The following MACF1 variants were observed in gnomAD, a reference collection of about 807,000 sequenced individuals.
MACF1 encodes microtubule actin crosslinking factor 1.
MACF1 carries 193 observed loss-of-function variants against 854.8 expected under a neutral mutation model. That is an observed-to-expected ratio of 0.23 (90% CI 0.20 to 0.25). MACF1 has a LOEUF of 0.25. Ranked by LOEUF, MACF1 falls within the 10% of genes least tolerant of loss-of-function variation. The pLI is 1.00. For synonymous variants in MACF1, 3,185 were observed against 3,226.7 expected (o/e 0.99, Z 0.44); for missense variants, 7,722 against 8,929.1 (o/e 0.86, Z 5.45).
intron 20 of MACF1, among the ~76,000 whole-genome samples, chr1:39,297,197 A>T (rs1645941552): frequency 6.6e-6 from 1 of 152,152 alleles, no homozygotes; most frequent in Non-Finnish European, 1.5e-5. Flanking sequence ...AAGTGCTGGG[A>T]TTACAGGCGT....
At chr1:39,091,293 C>G (rs1055264965) in intron 2 of MACF1, among the ~76,000 whole-genome samples, 3 of 152,226 alleles carry the variant, frequency 2.0e-5, no homozygotes, top group African/African-American at 4.8e-5. Flanking sequence ...ACGCAAAGGG[C>G]TGGCTTTGGG....
Position 39,453,713 on chromosome 1 carries a change from A to G in MACF1, c.20749A>G (p.Met6917Val), listed in dbSNP as rs764311098. 3.7e-6 allele frequency: 6 copies of G among 1,613,992 alleles called. No homozygotes were observed. The highest frequency in any genetic ancestry group is 1.1e-5 in the South Asian group (1 of 91,092). ...TCAAATCTTTTTTGTTTAGGAATTC[A>G]TGAAGAAAGTAGAAGAAAAGCGAGT... ...QSLIDTHKEF[M>V]KKVEEKRVDV... The change falls in exon 88 of 101, where the codon ATG becomes GTG. Residue 6917 changes from methionine to valine, a missense_variant. By Grantham distance (21) the Met-to-Val change is conservative. This residue lies in a region of MACF1 where 729 missense variants were observed against 900.5 expected (regional missense o/e 0.81). Transcript: ENST00000564288.
chr1:39,466,662 C>G (rs1644674904), intron 95 of MACF1, among the ~76,000 whole-genome samples: 1 of 152,174 alleles, frequency 6.6e-6, no homozygotes, highest in Non-Finnish European at 1.5e-5. Context: ...CACAGGGCTT[C>G]TCATTTTCAC....
intron 80 of MACF1, among the ~76,000 whole-genome samples, chr1:39,445,095 A>G (rs1208209697): frequency 3.9e-5 from 6 of 152,154 alleles, no homozygotes; most frequent in Non-Finnish European, 7.4e-5. Flanking sequence ...TTAATCACCA[A>G]TTTGTGTTCT....
At chr1:39,099,548 T>C (rs1033951715) in intron 2 of MACF1, among the ~76,000 whole-genome samples, 4 of 152,046 alleles carry the variant, frequency 2.6e-5, no homozygotes, top group Admixed American at 2.6e-4. Flanking sequence ...TTTCTAGAGG[T>C]TGAGGAAGGA....
chr1:39,254,397 C>T (rs1449358688), intron 5 of MACF1, 22 bp downstream of exon 5: 1 of 1,609,310 alleles, frequency 6.2e-7, no homozygotes, highest in Non-Finnish European at 8.5e-7. Context: ...ACATGCCTTC[C>T]CCATTCTTCC....
chr1:39,450,214 G>A (rs1052962266), intron 84 of MACF1, among the ~76,000 whole-genome samples: 4 of 151,822 alleles, frequency 2.6e-5, no homozygotes, highest in African/African-American at 7.3e-5. Flanking sequence ...AGGCTGTTCT[G>A]TAACTCCTGA....
chr1:39,203,379 T>A (rs926461679), upstream of MACF1, among the ~76,000 whole-genome samples: 2 of 152,112 alleles, frequency 1.3e-5, no homozygotes, highest in Middle Eastern at 3.2e-3. Context: ...AATTTTAAAA[T>A]TTTTTTGTAG....
At chr1:39,190,222 A>G (rs1460694855) in intron 2 of MACF1, among the ~76,000 whole-genome samples, 2 of 151,866 alleles carry the variant, frequency 1.3e-5, no homozygotes, top group African/African-American at 4.8e-5. Flanking sequence ...GGTTTTAGTA[A>G]TTAGGTATGC....
At chr1:39,406,738 CAA>C (rs5773658) in intron 58 of MACF1, among the ~76,000 whole-genome samples, 7 of 31,810 alleles carry the variant, frequency 2.2e-4, no homozygotes, top group African/African-American at 3.0e-4. Flanking sequence ...GAGTCTCACT[CAA>C]AAAAAAAAAA....
At chr1:39,337,024 C>CT (rs1646823083) in intron 37 of MACF1, among the ~76,000 whole-genome samples, 158 bp from the exon 38 acceptor site, 1 of 152,170 alleles carries the variant, frequency 6.6e-6, no homozygotes. Flanking sequence ...TCACCTTTGT[C>CT]TATTGATTTG....
chr1:39,318,621 T>G lies in MACF1; in HGVS notation c.3945+6T>G. 1 of 1,605,276 alleles carries G rather than the reference T, an allele frequency of 6.2e-7. No individual in the cohort carries two copies. Among genetic ancestry groups the G allele is most frequent in the Non-Finnish European group, 8.5e-7 (1 of 1,176,246 alleles). ...AGCAGCTCAGCCAGCAGACGGTGAG[T>G]GTGGTAGTAGCTCTGGCGAGAAGAG... is the stretch of plus-strand genomic sequence containing the variant. On this transcript the variant is annotated splice_donor_region_variant and intron_variant, in intron 30 of 100. Transcript: ENST00000564288.
chr1:39,414,369 G>A, intron 58 of MACF1: 1 of 1,613,938 alleles, frequency 6.2e-7, no homozygotes, highest in Non-Finnish European at 8.5e-7. Flanking sequence ...CTGGAATGTG[G>A]ATCAAGGAGG....
At chr1:39,100,691 G>A (rs937109909) in intron 2 of MACF1, among the ~76,000 whole-genome samples, 8 of 149,732 alleles carry the variant, frequency 5.3e-5, no homozygotes, top group African/African-American at 1.2e-4. Context: ...CCATCTCTAC[G>A]AAAAATACAA....
At chr1:39,403,844 G>T (rs965476935) in intron 58 of MACF1, among the ~76,000 whole-genome samples, 3 of 152,082 alleles carry the variant, frequency 2.0e-5, no homozygotes, top group Middle Eastern at 3.4e-3. Context: ...TTTTGGGCGG[G>T]GGGGCCGGGC....
At chr1:39,110,230 C>CTTT (rs5773651) in intron 2 of MACF1, among the ~76,000 whole-genome samples, 13,644 of 84,312 alleles carry the variant, frequency 0.16, 1,640 homozygotes, top group Non-Finnish European at 0.22. Flanking sequence ...GGATGTTGTT[C>CTTT]TTTTTTTTTT....
intron 2 of MACF1, among the ~76,000 whole-genome samples, chr1:39,091,234 C>T (rs1039381052): frequency 6.6e-6 from 1 of 152,190 alleles, no homozygotes; most frequent in Non-Finnish European, 1.5e-5. Flanking sequence ...GGGATGCCCT[C>T]CCCCACTCAT....
At chr1:39,444,441 T>C (rs116756012) in intron 79 of MACF1, among the ~76,000 whole-genome samples, 3,870 of 152,336 alleles carry the variant, frequency 0.025, 87 homozygotes, top group Middle Eastern at 0.078. Flanking sequence ...TTAATACAAA[T>C]GAATTCTAAG....
chr1:39,216,716 T>A (rs1316786169), intron 1 of MACF1, among the ~76,000 whole-genome samples: 1 of 152,086 alleles, frequency 6.6e-6, no homozygotes, highest in Admixed American at 6.6e-5. Flanking sequence ...TGAGATTTCT[T>A]CCCTGGAACC....
Sources: allele counts gnomAD v4.1 joint callset (sites outside exome capture counted in the v4.1 genomes callset), GRCh38; gene constraint gnomAD v4.1.1; regional missense constraint gnomAD v4.1.1; transcripts MANE v1.5; gene names NCBI Gene and HGNC (gene_info 2026-07-23, HGNC 2026-07-21).